AFF2: variants seen among roughly 807,000 people sequenced by gnomAD.
AFF2 encodes the protein ALF transcription elongation factor 2.
A neutral mutation model predicts 76.9 loss-of-function variants in AFF2; 14 were observed. The observed-to-expected ratio is 0.18, with a 90% confidence interval of 0.12 to 0.28. The LOEUF is 0.28. Ranked by LOEUF, AFF2 falls within the 10% of genes least tolerant of loss-of-function variation. AFF2 has a pLI of 1.00. For synonymous variants in AFF2, 398 were observed against 366.7 expected (o/e 1.09, Z -0.98); for missense variants, 868 against 1,001.1 (o/e 0.87, Z 1.79).
At chrX:148,770,751 A>G (rs868962740) in intron 3 of AFF2, among the ~76,000 whole-genome samples, 3 of 112,052 alleles carry the variant, frequency 2.7e-5, no homozygotes, top group Non-Finnish European at 3.8e-5. Flanking sequence ...TGATCTGCTT[A>G]TGATGACCTT....
chrX:148,960,837 C>T (rs2072100510), intron 12 of AFF2, among the ~76,000 whole-genome samples: 1 of 111,948 alleles, frequency 8.9e-6, no homozygotes, highest in African/African-American at 3.2e-5. Context: ...TGGTGATGCT[C>T]TTCTTTTGTC....
At chrX:148,836,197 G>A (rs147688212) in intron 4 of AFF2, among the ~76,000 whole-genome samples, 1,694 of 112,235 alleles carry the variant, frequency 0.015, 17 homozygotes, top group Non-Finnish European at 0.022. Flanking sequence ...TCTTAAGTAG[G>A]TTAAGCATCT....
intron 1 of AFF2, among the ~76,000 whole-genome samples, chrX:148,518,004 C>T (rs1286051712): frequency 1.0e-5 from 1 of 97,568 alleles, no homozygotes; most frequent in African/African-American, 3.9e-5. Context: ...GCCTGGGCGA[C>T]AGTGCATGAC....
At chrX:148,701,023 T>A (rs1381119002) in intron 3 of AFF2, among the ~76,000 whole-genome samples, 44 of 106,888 alleles carry the variant, frequency 4.1e-4, no homozygotes, top group African/African-American at 1.4e-3. Flanking sequence ...TGTGTGTGTG[T>A]GTGTGTGTGT....
intron 3 of AFF2, among the ~76,000 whole-genome samples, chrX:148,693,312 G>A (rs1346667423): frequency 9.0e-6 from 1 of 111,437 alleles, no homozygotes; most frequent in Non-Finnish European, 1.9e-5. Flanking sequence ...CTTTCTTAGG[G>A]TAAGGGAAAT....
At chrX:148,794,196 C>T (rs2069937351) in intron 3 of AFF2, among the ~76,000 whole-genome samples, 1 of 112,096 alleles carries the variant, frequency 8.9e-6, no homozygotes. Context: ...CACTGTTTCT[C>T]TATTTCTTGA....
chrX:148,877,444 G>A (rs1557278019), intron 7 of AFF2, among the ~76,000 whole-genome samples: 1 of 112,429 alleles, frequency 8.9e-6, no homozygotes, highest in African/African-American at 3.2e-5. Flanking sequence ...TTTTGATGCA[G>A]CCAAAAGAGC....
intron 1 of AFF2, among the ~76,000 whole-genome samples, chrX:148,583,629 ATCTT>A (rs1180653794): frequency 1.3e-4 from 15 of 111,744 alleles, no homozygotes; most frequent in African/African-American, 3.6e-4. Flanking sequence ...TATATTTTTT[ATCTT>A]TCTTTCATAC....
intron 1 of AFF2, among the ~76,000 whole-genome samples, chrX:148,537,884 G>A (rs1419766650): frequency 8.9e-6 from 1 of 112,321 alleles, no homozygotes; most frequent in East Asian, 2.8e-4. Context: ...AAGATTAAAC[G>A]ATTCTCCCAT....
At chrX:148,617,062 G>A (rs1557250555) in intron 1 of AFF2, among the ~76,000 whole-genome samples, 1 of 111,860 alleles carries the variant, frequency 8.9e-6, no homozygotes, top group Non-Finnish European at 1.9e-5. Context: ...ATAGCAGCAT[G>A]ATTTATAGTC....
intron 10 of AFF2, 106 bp downstream of exon 10, chrX:148,953,845 C>A: frequency 1.5e-6 from 1 of 668,781 alleles, no homozygotes; most frequent in Non-Finnish European, 2.2e-6. Flanking sequence ...ACTTTCAGCA[C>A]AATAATTAAT....
chrX:148,503,932 G>C (rs782419909), intron 1 of AFF2, among the ~76,000 whole-genome samples: 6 of 111,850 alleles, frequency 5.4e-5, no homozygotes, highest in Admixed American at 9.5e-5. Context: ...GTTCACCTGA[G>C]TCTGAATTTA....
intron 3 of AFF2, among the ~76,000 whole-genome samples, chrX:148,801,183 G>T (rs1557270872): frequency 3.6e-5 from 4 of 111,928 alleles, no homozygotes; most frequent in African/African-American, 1.3e-4. Flanking sequence ...AGCATTTGGA[G>T]AACTGTGAAC....
chrX:148,651,578 G>C (rs1227151486), intron 1 of AFF2, among the ~76,000 whole-genome samples: 1 of 111,746 alleles, frequency 8.9e-6, no homozygotes, highest in African/African-American at 3.3e-5. Flanking sequence ...CTTCAGCTCC[G>C]TACTTTGATA....
At chrX:148,921,763 G>A (rs2071598696) in intron 9 of AFF2, among the ~76,000 whole-genome samples, 1 of 112,288 alleles carries the variant, frequency 8.9e-6, no homozygotes, top group African/African-American at 3.2e-5. Context: ...ACTCTATTAT[G>A]TGGATCCTTC....
intron 3 of AFF2, among the ~76,000 whole-genome samples, chrX:148,740,796 A>G (rs143583274): frequency 6.8e-4 from 76 of 111,907 alleles, no homozygotes; most frequent in Middle Eastern, 4.6e-3. Context: ...GGGAAGGTCT[A>G]AGGGCTGAAG....
rs1481269424 is a variant in AFF2, at chrX:148,745,551, A to G, written c.1042-64325A>G. ...ATGTCCACTGGTTTAAAAATGAAAC[A>G]AAGATTTTGGCAAATGTTTTTAAAA... On this transcript the variant is annotated intron_variant, in intron 3 of 20. Coordinates refer to ENST00000370460, the MANE Select transcript of AFF2 (RefSeq NM_002025.4). Among the ~76,000 whole-genome samples the G allele has an allele frequency of 5.7e-4, 64 of 111,828 alleles. 4 individuals carry two copies. The highest frequency in any genetic ancestry group is 1.9e-5 in the Non-Finnish European group (1 of 53,221).
intron 1 of AFF2, among the ~76,000 whole-genome samples, chrX:148,617,260 GC>G (rs1245920870): frequency 9.0e-6 from 1 of 111,435 alleles, no homozygotes; most frequent in Non-Finnish European, 1.9e-5. Context: ...TTTAATGATC[GC>G]CATTCTAACC....
chrX:148,565,228 G>A (rs1379767088), intron 1 of AFF2, among the ~76,000 whole-genome samples: 1 of 111,207 alleles, frequency 9.0e-6, no homozygotes, highest in African/African-American at 3.3e-5. Context: ...TGAAGGAATA[G>A]TATGTAATTA....
Sources: gnomAD v4.1 joint callset for allele counts (sites outside exome capture counted in the v4.1 genomes callset) on GRCh38, gnomAD v4.1.1 for gene constraint, MANE v1.5 for transcripts, NCBI Gene and HGNC (gene_info 2026-07-23, HGNC 2026-07-21) for gene names.